The following PCDH9 variants were observed in gnomAD, a reference collection of about 807,000 sequenced individuals.
The protein encoded by PCDH9 is protocadherin-9.
Under a neutral mutation model 70.6 loss-of-function variants are expected in PCDH9, and 24 were observed. The ratio of observed to expected loss-of-function variants is 0.34; its 90% confidence interval spans 0.25 to 0.48. PCDH9 has a LOEUF of 0.48. Among genes scored for constraint, PCDH9 ranks in the 20% least tolerant of loss-of-function variants. The pLI is 0.99. For synonymous variants in PCDH9, 562 were observed against 558.5 expected (o/e 1.01, Z -0.09); for missense variants, 1,281 against 1,503.6 (o/e 0.85, Z 2.45).
At chr13:66,352,595 T>C (rs1350651271) in intron 4 of PCDH9, among the ~76,000 whole-genome samples, 2 of 152,172 alleles carry the variant, frequency 1.3e-5, no homozygotes, top group African/African-American at 4.8e-5. Flanking sequence ...TTTCTTCTTA[T>C]GAGGACACTA....
At chr13:67,224,977 G>A (rs1335070398) in intron 2 of PCDH9, 5 of 1,015,774 alleles carry the variant, frequency 4.9e-6, no homozygotes, top group Non-Finnish European at 5.9e-6. Flanking sequence ...CAACATAATT[G>A]CAGTCACACC....
chr13:67,111,099 T>C (rs1035601149), intron 2 of PCDH9, among the ~76,000 whole-genome samples: 5 of 152,226 alleles, frequency 3.3e-5, no homozygotes, highest in African/African-American at 4.8e-5. Context: ...TTGTTTCAGA[T>C]GGCTTCTTGA....
intron 3 of PCDH9, among the ~76,000 whole-genome samples, chr13:66,897,300 A>G (rs1470686057): frequency 1.3e-5 from 2 of 151,934 alleles, no homozygotes; most frequent in African/African-American, 4.8e-5. Context: ...TTAATATATG[A>G]CTCATAGACT....
intron 3 of PCDH9, among the ~76,000 whole-genome samples, chr13:66,695,148 C>A (rs888972341): frequency 6.6e-6 from 1 of 152,164 alleles, no homozygotes; most frequent in African/African-American, 2.4e-5. Context: ...CGTGATCCTC[C>A]CGCCTCAGCC....
intron 2 of PCDH9, among the ~76,000 whole-genome samples, chr13:66,957,191 A>T (rs1167799306): frequency 6.6e-6 from 1 of 152,218 alleles, no homozygotes; most frequent in African/African-American, 2.4e-5. Context: ...ATTGACTAAT[A>T]TTGAGACTTC....
chr13:66,998,011 T>G (rs2084157640), intron 2 of PCDH9, among the ~76,000 whole-genome samples: 1 of 152,214 alleles, frequency 6.6e-6, no homozygotes, highest in South Asian at 2.1e-4. Context: ...CACAATGCAA[T>G]CATAAAGATA....
chr13:67,002,432 G>T (rs1036410250), intron 2 of PCDH9, among the ~76,000 whole-genome samples: 2 of 151,696 alleles, frequency 1.3e-5, no homozygotes, highest in Non-Finnish European at 2.9e-5. Flanking sequence ...TGTTAGAATG[G>T]TAATCAAATA....
intron 3 of PCDH9, among the ~76,000 whole-genome samples, chr13:66,687,347 CT>C (rs2078418771): frequency 6.6e-6 from 1 of 152,050 alleles, no homozygotes; most frequent in South Asian, 2.1e-4. Flanking sequence ...TGGCTCATTA[CT>C]TTTTCTATTT....
intron 4 of PCDH9, among the ~76,000 whole-genome samples, chr13:66,456,268 T>G (rs1958314547): frequency 6.6e-6 from 1 of 152,134 alleles, no homozygotes; most frequent in African/African-American, 2.4e-5. Context: ...TGTTTTTCTT[T>G]TTAGAGGCTG....
intron 2 of PCDH9, among the ~76,000 whole-genome samples, chr13:67,031,526 T>C (rs2084906901): frequency 6.6e-6 from 1 of 151,880 alleles, no homozygotes; most frequent in Non-Finnish European, 1.5e-5. Context: ...CTACCAAAAA[T>C]ACAAAAATTA....
chr13:67,169,388 T>G (rs552030507), intron 2 of PCDH9, among the ~76,000 whole-genome samples: 2 of 152,212 alleles, frequency 1.3e-5, no homozygotes, highest in Admixed American at 1.3e-4. Context: ...TAAACACTGC[T>G]CTGTTGCCAT....
At chr13:66,539,694 C>G (rs894082143) in intron 4 of PCDH9, among the ~76,000 whole-genome samples, 1 of 151,976 alleles carries the variant, frequency 6.6e-6, no homozygotes, top group African/African-American at 2.4e-5. Context: ...TGTTTTTACA[C>G]AGTAATACAT....
intron 3 of PCDH9, among the ~76,000 whole-genome samples, chr13:66,650,543 C>A (rs1330498715): frequency 6.6e-5 from 10 of 151,760 alleles, no homozygotes; most frequent in Admixed American, 5.9e-4. Context: ...ACTTCAACAC[C>A]CCACTTTCAA....
intron 3 of PCDH9, among the ~76,000 whole-genome samples, chr13:66,652,853 A>G (rs1293387009): frequency 6.6e-6 from 1 of 152,232 alleles, no homozygotes; most frequent in Middle Eastern, 3.4e-3. Context: ...ATCCACAGTG[A>G]ACTCATTTTT....
intron 4 of PCDH9, among the ~76,000 whole-genome samples, chr13:66,365,033 A>G (rs1019806511): frequency 6.6e-6 from 1 of 152,198 alleles, no homozygotes; most frequent in Non-Finnish European, 1.5e-5. Context: ...TTTTATGATG[A>G]CTGCCCTTTT....
intron 4 of PCDH9, among the ~76,000 whole-genome samples, chr13:66,519,817 T>A (rs573481570): frequency 1.3e-5 from 2 of 152,280 alleles, no homozygotes; most frequent in Admixed American, 1.3e-4. Context: ...TTGGAAAATA[T>A]TGTGAGCCAG....
At chr13:66,828,084 A>C (rs1269744189) in intron 3 of PCDH9, among the ~76,000 whole-genome samples, 1 of 152,220 alleles carries the variant, frequency 6.6e-6, no homozygotes, top group Non-Finnish European at 1.5e-5. Flanking sequence ...TGACATGTGA[A>C]GTAACATCTA....
chr13:67,006,147 A>G (rs2084348957), intron 2 of PCDH9, among the ~76,000 whole-genome samples: 1 of 152,210 alleles, frequency 6.6e-6, no homozygotes, highest in African/African-American at 2.4e-5. Context: ...GAATGGCGTG[A>G]ACCCGGGAGG....
At chr13:67,084,693 C>T (rs1288147196) in intron 2 of PCDH9, among the ~76,000 whole-genome samples, 1 of 151,750 alleles carries the variant, frequency 6.6e-6, no homozygotes, top group Non-Finnish European at 1.5e-5. Flanking sequence ...GTTGCCGGCC[C>T]AGCATGGTGG....
Sources: allele counts gnomAD v4.1 joint callset (sites outside exome capture counted in the v4.1 genomes callset), GRCh38; gene constraint gnomAD v4.1.1; transcripts MANE v1.5; gene names NCBI Gene and HGNC (gene_info 2026-07-23, HGNC 2026-07-21).